The following PCDHAC2 variants were observed in gnomAD, a reference collection of about 807,000 sequenced individuals.
PCDHAC2 encodes the protein protocadherin alpha-C2.
A neutral mutation model predicts 63.3 loss-of-function variants in PCDHAC2; 24 were observed. That is an observed-to-expected ratio of 0.38 (90% CI 0.27 to 0.53). The LOEUF is 0.53. Among genes scored for constraint, PCDHAC2 ranks in the 20% least tolerant of loss-of-function variants. PCDHAC2 has a pLI of 0.81. For synonymous variants in PCDHAC2, 569 were observed against 529.4 expected, an observed-to-expected ratio of 1.07 and a Z score of -1.03; for missense variants, 1,181 against 1,275.2, an observed-to-expected ratio of 0.93 and a Z score of 1.12.
intron 1 of PCDHAC2, among the ~76,000 whole-genome samples, chr5:140,977,969 C>T (rs1554238945): frequency 6.6e-6 from 1 of 152,114 alleles, no homozygotes; most frequent in African/African-American, 2.4e-5. Context: ...AATCTCCGCC[C>T]ATGAAAACGC....
chr5:141,011,237 A>G lies in PCDHAC2; in HGVS notation c.*1300A>G, dbSNP rs562746586. Reference sequence around the variant, plus strand: ...GATTTTTCAATCTACTAATTCTGTGACTTGTCTTGGTGTGCTAGCCTACAC... The same window carrying G: ...GATTTTTCAATCTACTAATTCTGTGGCTTGTCTTGGTGTGCTAGCCTACAC... On this transcript the variant is annotated 3_prime_UTR_variant, in exon 4 of 4. Transcript: ENST00000289269. The G allele has an allele frequency of 6.5e-6, 1 of 153,754 alleles. No homozygotes were observed. Among genetic ancestry groups the G allele is most frequent in the South Asian group, 2.1e-4 (1 of 4,812 alleles). The allele number at this position is 153,754 out of a possible 1,614,324, so 9.5% of individuals were successfully genotyped here.
intron 3 of PCDHAC2, among the ~76,000 whole-genome samples, chr5:141,003,770 T>A (rs1365152633): frequency 6.6e-6 from 1 of 152,246 alleles, no homozygotes; most frequent in East Asian, 1.9e-4. Flanking sequence ...TCGTATTCTG[T>A]TAAATAAACT....
In PCDHAC2 at chr5:140,967,747, A is replaced by C; in HGVS notation, c.981A>C (p.Glu327Asp). Reference protein sequence around the residue: ...VRVIGGLDYEEASSYQIYVQA... With the variant: ...VRVIGGLDYEDASSYQIYVQA... ...TAATTGGGGGGCTGGATTATGAGGA[A>C]GCCTCCTCCTACCAGATCTATGTGC... Residue 327 changes from glutamate to aspartate, a missense_variant, in exon 1 of 4, where the codon GAA becomes GAC. Physicochemically the swap from Glu to Asp is conservative, Grantham distance 45 (BLOSUM62 2). This residue lies in a region of PCDHAC2 where 968 missense variants were observed against 1,073.5 expected (regional missense o/e 0.90). Coordinates refer to ENST00000289269, the MANE Select transcript of PCDHAC2 (RefSeq NM_018899.6). The C allele has an allele frequency of 6.2e-7, 1 of 1,614,160 alleles. No individual in the cohort carries two copies. Among genetic ancestry groups the C allele is most frequent in the Non-Finnish European group, 8.5e-7 (1 of 1,180,012 alleles).
At chr5:141,005,967 A>ACAATTC (rs1554260442) in intron 3 of PCDHAC2, among the ~76,000 whole-genome samples, 1 of 152,062 alleles carries the variant, frequency 6.6e-6, no homozygotes, top group Non-Finnish European at 1.5e-5. Flanking sequence ...CAATAAAAAA[A>ACAATTC]CAATTCCAAA....
Position 140,969,346 on chromosome 5 carries a change from AG to A in PCDHAC2, c.2565+20del, listed in dbSNP as rs2096322383. On this transcript the variant is annotated intron_variant, in intron 1 of 3. Coordinates refer to ENST00000289269, the MANE Select transcript of PCDHAC2 (RefSeq NM_018899.6). The stretch of plus-strand genomic sequence containing the variant: ...CTCAAAATGAGGTGAGACAGTGGTC[AG>A]GGGGTCTTCTACAAACTCATGCATT... 1 of 1,613,510 alleles carries A rather than the reference AG, an allele frequency of 6.2e-7. No homozygotes were observed. The highest frequency in any genetic ancestry group is 1.3e-5 in the African/African-American group (1 of 74,946).
chr5:140,998,596 C>G (rs1301065712), intron 3 of PCDHAC2, among the ~76,000 whole-genome samples: 1 of 148,578 alleles, frequency 6.7e-6, no homozygotes, highest in Non-Finnish European at 1.5e-5. Flanking sequence ...CAGAGTTTTG[C>G]TCTTGTTGCC....
intron 3 of PCDHAC2, among the ~76,000 whole-genome samples, chr5:140,985,628 T>C (rs1399381029): frequency 6.6e-6 from 1 of 152,116 alleles, no homozygotes; most frequent in Non-Finnish European, 1.5e-5. Flanking sequence ...TGTGTATTGC[T>C]CTTCTCATCC....
intron 1 of PCDHAC2, among the ~76,000 whole-genome samples, chr5:140,978,584 C>G (rs2096810786): frequency 6.6e-6 from 1 of 152,186 alleles, no homozygotes; most frequent in African/African-American, 2.4e-5. Flanking sequence ...TGGGAATGTT[C>G]CCTTAATGGG....
chr5:140,992,363 G>T (rs1028043863), intron 3 of PCDHAC2, among the ~76,000 whole-genome samples: 2 of 152,136 alleles, frequency 1.3e-5, no homozygotes, highest in Non-Finnish European at 2.9e-5. Context: ...GAGAAAAATG[G>T]TTCCCATTAC....
intron 1 of PCDHAC2, among the ~76,000 whole-genome samples, chr5:140,974,062 G>T (rs1014435483): frequency 2.0e-5 from 3 of 152,222 alleles, no homozygotes; most frequent in Non-Finnish European, 4.4e-5. Context: ...ATTTGGAGCA[G>T]TATAATCTAT....
At position 140,967,577 on chromosome 5, in the gene PCDHAC2, C is replaced by T. The variant is rs141338011; in HGVS notation, c.811C>T (p.Pro271Ser). Reference sequence around the variant, plus strand: ...TCGCGTCCAGCTACGGGAGGACTCACCCCCAGGCACATTGGTGGTGAAGCT... The same window carrying T: ...TCGCGTCCAGCTACGGGAGGACTCATCCCCAGGCACATTGGTGGTGAAGCT... ...TYRVQLREDS[P>S]PGTLVVKLNA... The change falls in exon 1 of 4, where the codon CCC (proline) becomes TCC (serine). Residue 271 changes from proline to serine, a missense_variant. Around this residue, in one of 3 missense-constraint regions of PCDHAC2, gnomAD observed 968 missense variants for 1,073.5 expected, o/e 0.90. Transcript: ENST00000289269. 11 of 1,614,016 alleles carry T rather than the reference C, an allele frequency of 6.8e-6. No homozygotes were observed. Among genetic ancestry groups the T allele is most frequent in the African/African-American group, 4.0e-5 (3 of 74,938 alleles).
In PCDHAC2 at chr5:140,969,281, A is replaced by C; in HGVS notation, c.2515A>C (p.Asn839His). The change falls in exon 1 of 4, where the codon AAT becomes CAT. Residue 839 changes from asparagine to histidine, a missense_variant. Coordinates refer to ENST00000289269, the MANE Select transcript of PCDHAC2 (RefSeq NM_018899.6). ...GAATCTCACAGGCCAAAGTGGTCAG[A>C]ATGCTGGGAACCTGATTATTCTCAA... ...SRNLTGQSGQ[N>H]AGNLIILKNE... is the part of the protein sequence containing the mutation. The C allele has an allele frequency of 3.1e-6, 5 of 1,614,220 alleles. No individual in the cohort carries two copies. Among genetic ancestry groups the C allele is most frequent in the Non-Finnish European group, 3.4e-6 (4 of 1,180,038 alleles).
intron 2 of PCDHAC2, among the ~76,000 whole-genome samples, chr5:140,980,093 G>A (rs1223807762): frequency 2.0e-5 from 3 of 152,166 alleles, no homozygotes; most frequent in South Asian, 2.1e-4. Context: ...AGTTGGCTTG[G>A]TAAGATGTCA....
chr5:140,974,146 A>G (rs1208366709), intron 1 of PCDHAC2, among the ~76,000 whole-genome samples: 1 of 152,260 alleles, frequency 6.6e-6, no homozygotes, highest in Non-Finnish European at 1.5e-5. Context: ...TGAAAACTAT[A>G]CAAGGGTTTT....
rs1207415477 is a variant in PCDHAC2 at position 140,980,276 on chromosome 5, T to C, written c.2624+1269T>C. 1.3e-5 allele frequency among the ~76,000 whole-genome samples: 2 copies of C among 152,224 alleles called. 1 individual carries two copies. The highest frequency in any genetic ancestry group is 2.9e-5 in the Non-Finnish European group (2 of 68,040). On this transcript the variant is annotated intron_variant, in intron 2 of 3. Transcript: ENST00000289269. ...AAAGCATGGTTTACAGTACCAACTC[T>C]TGAAAAGTACCAAAGCTATGAGTTG... is the stretch of plus-strand genomic sequence containing the variant.
chr5:140,996,691 C>A (rs150925396), intron 3 of PCDHAC2, among the ~76,000 whole-genome samples: 217 of 152,274 alleles, frequency 1.4e-3, no homozygotes, highest in African/African-American at 5.0e-3. Context: ...TAGTATTCTT[C>A]TGAACCTCTA....
chr5:140,974,672 T>G lies in PCDHAC2; in HGVS notation c.2566-4277T>G, dbSNP rs186958750. On this transcript the variant is annotated intron_variant, in intron 1 of 3. Coordinates refer to ENST00000289269, the MANE Select transcript of PCDHAC2 (RefSeq NM_018899.6). ...GATTACAGGCATGCGCCACCATGCC[T>G]GGCTAATTTTGTATTTTTGGGTTTC... 4.6e-3 allele frequency among the ~76,000 whole-genome samples: 694 copies of G among 152,134 alleles called. 4 individuals are homozygous for G. Among genetic ancestry groups the G allele is most frequent in the African/African-American group, 0.016 (672 of 41,518 alleles).
At chr5:140,986,859 C>T (rs1554248338) in intron 3 of PCDHAC2, among the ~76,000 whole-genome samples, 1 of 152,152 alleles carries the variant, frequency 6.6e-6, no homozygotes, top group East Asian at 1.9e-4. Context: ...ACCAACAATA[C>T]CCGGAAACTT....
chr5:140,994,156 C>T (rs926993777), intron 3 of PCDHAC2, among the ~76,000 whole-genome samples: 25 of 152,124 alleles, frequency 1.6e-4, no homozygotes, highest in African/African-American at 4.1e-4. Context: ...GTAGGGTCAA[C>T]GAAGGGGAAG....
Sources: allele counts gnomAD v4.1 joint callset (sites outside exome capture counted in the v4.1 genomes callset), GRCh38; gene constraint gnomAD v4.1.1; regional missense constraint gnomAD v4.1.1; transcripts MANE v1.5; gene names NCBI Gene and HGNC (gene_info 2026-07-23, HGNC 2026-07-21).